Variants in GUF1 observed in about 807,000 individuals in gnomAD.
GUF1 encodes GTP binding elongation factor GUF1, also known as translation factor GUF1, mitochondrial.
Under a neutral mutation model 82.4 loss-of-function variants are expected in GUF1, and 78 were observed. That is an observed-to-expected ratio of 0.95 (90% CI 0.79 to 1.14). The LOEUF (loss-of-function observed/expected upper bound fraction) is 1.14, where lower values mean the gene tolerates loss of function less well. GUF1 is among the 50% of genes most tolerant of loss of function. The pLI is 0.00. For missense variants in GUF1, 814 were observed against 798.2 expected, an observed-to-expected ratio of 1.02 and a Z score of -0.24; for synonymous variants, 279 against 282.3, an observed-to-expected ratio of 0.99 and a Z score of 0.12.
At chr4:44,685,577 C>T (rs1224570975) in intron 6 of GUF1, among the ~76,000 whole-genome samples, 1 of 152,036 alleles carries the variant, frequency 6.6e-6, no homozygotes, top group Non-Finnish European at 1.5e-5. Flanking sequence ...ATCCACACAA[C>T]AACCTTGAGA....
rs1012684706 is a variant in GUF1 at position 44,700,543 on chromosome 4, C to G, written c.*1862C>G. 3.3e-5 allele frequency: 5 copies of G among 152,164 alleles called. No homozygotes were observed. Among genetic ancestry groups the G allele is most frequent in the African/African-American group, 1.2e-4 (5 of 41,436 alleles). The allele number at this position is 152,164 out of a possible 1,614,324, so 9.4% of individuals were successfully genotyped here. ...AAGACCAATGTACACCTTACACATA[C>G]TGATTGATGTCTCATGTCTCTCTAA... On this transcript the variant is annotated 3_prime_UTR_variant, in exon 17 of 17. Transcript: ENST00000281543.
chr4:44,695,180 A>T (rs1172873056), intron 14 of GUF1, among the ~76,000 whole-genome samples: 2 of 152,204 alleles, frequency 1.3e-5, no homozygotes, highest in Non-Finnish European at 2.9e-5. Context: ...TGAATTACAA[A>T]GCACCCATAT....
chr4:44,698,752 T>G lies in GUF1; in HGVS notation c.*71T>G. On this transcript the variant is annotated 3_prime_UTR_variant, in exon 17 of 17. Coordinates refer to ENST00000281543, the MANE Select transcript of GUF1 (RefSeq NM_021927.3). ...ACAACAGAAAGAAAATTATAAAATT[T>G]GCTTGTTACTTTCAGGGTATTCAGG... 7.1e-7 allele frequency: 1 copy of G among 1,415,014 alleles called. No homozygotes were observed. Among genetic ancestry groups the G allele is most frequent in the South Asian group, 1.4e-5 (1 of 72,762 alleles). 87.7% of individuals were successfully genotyped at this position (1,415,014 alleles called of 1,614,324 possible).
chr4:44,698,449 G>T (rs771074558), intron 16 of GUF1, 95 bp from the exon 17 acceptor site: 134 of 878,680 alleles, frequency 1.5e-4, no homozygotes, highest in Non-Finnish European at 2.0e-4. Flanking sequence ...TAATAATTTG[G>T]TATGGTTGTT....
At chr4:44,682,766 C>T (rs1056173408) in intron 5 of GUF1, 2 of 170,192 alleles carry the variant, frequency 1.2e-5, no homozygotes, top group African/African-American at 4.7e-5. Context: ...CAATTTAGTG[C>T]TAAACTGAGC....
intron 15 of GUF1, 88 bp downstream of exon 15, chr4:44,695,822 A>C: frequency 7.6e-7 from 1 of 1,314,360 alleles, no homozygotes; most frequent in Non-Finnish European, 1.1e-6. Context: ...TTAATTTAAC[A>C]TTGGCCTAAG....
intron 5 of GUF1, 72 bp from the exon 6 acceptor site, chr4:44,683,163 C>A: frequency 2.2e-6 from 2 of 916,642 alleles, no homozygotes; most frequent in Non-Finnish European, 3.3e-6. Flanking sequence ...TTTTAATTAC[C>A]TCCGAATACT....
intron 8 of GUF1, 36 bp downstream of exon 8, chr4:44,686,749 T>G: frequency 7.5e-7 from 1 of 1,332,230 alleles, no homozygotes; most frequent in Non-Finnish European, 1.1e-6. Context: ...AAAATGCATT[T>G]GTATGTGGTT....
intron 12 of GUF1, 90 bp from the exon 13 acceptor site, chr4:44,691,576 T>C (rs181667870): frequency 5.6e-4 from 532 of 956,244 alleles, no homozygotes; most frequent in Non-Finnish European, 7.5e-4. Context: ...ATACTGCCTA[T>C]AAGTTTTTAC....
chr4:44,682,698 T>C (rs543607979), intron 5 of GUF1: 3 of 208,002 alleles, frequency 1.4e-5, no homozygotes, highest in South Asian at 1.8e-4. Context: ...AAACCATACA[T>C]AGGAAAAGAA....
At chr4:44,680,108 TTACTAGACAAGG>T (rs149071723) in intron 1 of GUF1, among the ~76,000 whole-genome samples, 2,610 of 152,220 alleles carry the variant, frequency 0.017, 76 homozygotes, top group African/African-American at 0.056. Flanking sequence ...CTCAAAAGTT[TTACTAGACAAGG>T]TATTCTCAGG....
rs1157566096 is a variant in GUF1 at position 44,690,715 on chromosome 4, A to G, written c.1336-2A>G. ...AGTATTGCTGATTTTTCTAATTTTT[A>G]GGAACATAGAGAAAAAGAAATTACA... On this transcript the variant is annotated splice_acceptor_variant, in intron 11 of 16. Coordinates refer to ENST00000281543, the MANE Select transcript of GUF1 (RefSeq NM_021927.3). LOFTEE classifies it high-confidence loss of function. 6.6e-7 allele frequency: 1 copy of G among 1,507,916 alleles called. No individual in the cohort carries two copies. Among genetic ancestry groups the G allele is most frequent in the Non-Finnish European group, 9.1e-7 (1 of 1,103,916 alleles). 93.4% of individuals were successfully genotyped at this position (1,507,916 alleles called of 1,614,324 possible). A position where few individuals can be genotyped will look rare whatever the true frequency, so the allele number is the denominator to read the frequency against.
chr4:44,688,014 G>A lies in GUF1; in HGVS notation c.946G>A (p.Gly316Arg), dbSNP rs755980277. ...TATAATAATTTTATTTAGATATGCA[G>A]GACAGGTGGGCTATCTGATTGCTGG... ...NEQPTHKLYA[G>R]QVGYLIAGMK... Residue 316 changes from glycine (G) to arginine (R), a missense_variant, in exon 9 of 17, where the codon GGA becomes AGA. By Grantham distance (125) the Gly-to-Arg change is moderately radical. Transcript: ENST00000281543. 44 of 1,611,276 alleles carry A rather than the reference G, an allele frequency of 2.7e-5. No homozygotes were observed. Among genetic ancestry groups the A allele is most frequent in the Non-Finnish European group, 3.5e-5 (41 of 1,178,092 alleles).
chr4:44,689,965 A>C lies in GUF1; in HGVS notation c.1325A>C (p.Lys442Thr). The C allele has an allele frequency of 6.4e-7, 1 of 1,571,490 alleles. No individual in the cohort carries two copies. Among genetic ancestry groups the C allele is most frequent in the Non-Finnish European group, 8.7e-7 (1 of 1,154,056 alleles). The change falls in exon 11 of 17, where the codon AAA (lysine) becomes ACA (threonine). Residue 442 changes from lysine (K) to threonine (T), a missense_variant. Physicochemically the swap from Lys to Thr is moderately conservative, Grantham distance 78 (BLOSUM62 -1). Coordinates refer to ENST00000281543, the MANE Select transcript of GUF1 (RefSeq NM_021927.3). ...TATAAAGCTGTACTGTCATCATCAAAATTGATAAAGGTACTTGGTATTTAG... is the reference window on the plus strand; with the variant it reads ...TATAAAGCTGTACTGTCATCATCAACATTGATAAAGGTACTTGGTATTTAG... ...VPYKAVLSSS[K>T]LIKEHREKEI...
intron 6 of GUF1, among the ~76,000 whole-genome samples, chr4:44,684,533 ACC>A (rs987396093): frequency 1.3e-5 from 2 of 152,064 alleles, no homozygotes; most frequent in African/African-American, 4.8e-5. Context: ...AAACAAATTA[ACC>A]AGTCATTCAG....
intron 6 of GUF1, among the ~76,000 whole-genome samples, chr4:44,683,598 AAC>A (rs1714890643): frequency 6.6e-6 from 1 of 152,112 alleles, no homozygotes; most frequent in South Asian, 2.1e-4. Context: ...CCAGGACTAA[AAC>A]ACAGGCCTTC....
In GUF1 at chr4:44,698,477, G is replaced by T. The variant is rs375715820; in HGVS notation, c.1873-67G>T. The T allele has an allele frequency of 4.5e-5, 56 of 1,240,712 alleles. No individual in the cohort carries two copies. In the African/African-American group the frequency reaches 8.2e-4, roughly 18 times the overall value. The allele number at this position is 1,240,712 out of a possible 1,614,324, so 76.9% of individuals were successfully genotyped here. On this transcript the variant is annotated intron_variant, in intron 16 of 16. Coordinates refer to ENST00000281543, the MANE Select transcript of GUF1 (RefSeq NM_021927.3). Reference sequence around the variant, plus strand: ...TGGTTGTTAAGGTTGTACTGATGCCGCTGTAATCATATGATTGTTTCTCTT... The same window carrying T: ...TGGTTGTTAAGGTTGTACTGATGCCTCTGTAATCATATGATTGTTTCTCTT...
At position 44,682,318 on chromosome 4, in the gene GUF1, A is replaced by G; in HGVS notation, c.508-16A>G. ...TAGAATGGTCATCTCAGTATCTTGT[A>G]TCTTGATATTTTCAGGGAATTCAAG... On this transcript the variant is annotated splice_polypyrimidine_tract_variant and intron_variant, in intron 4 of 16. Coordinates refer to ENST00000281543, the MANE Select transcript of GUF1 (RefSeq NM_021927.3). 2 of 1,459,104 alleles carry G rather than the reference A, an allele frequency of 1.4e-6. No homozygotes were observed. Among genetic ancestry groups the G allele is most frequent in the Non-Finnish European group, 1.8e-6 (2 of 1,084,694 alleles). 90.4% of individuals were successfully genotyped at this position (1,459,104 alleles called of 1,614,324 possible).
intron 6 of GUF1, among the ~76,000 whole-genome samples, chr4:44,685,141 G>A (rs528087670): frequency 4.6e-5 from 7 of 152,112 alleles, no homozygotes; most frequent in South Asian, 2.1e-4. Flanking sequence ...TACAAGTTAA[G>A]GACTATTGTA....
Sources: gnomAD v4.1 joint callset for allele counts (sites outside exome capture counted in the v4.1 genomes callset) on GRCh38, gnomAD v4.1.1 for gene constraint, MANE v1.5 for transcripts, NCBI Gene and HGNC (gene_info 2026-07-23, HGNC 2026-07-21) for gene names.